Variants in TRMU observed in about 807,000 individuals in gnomAD.
TRMU encodes tRNA mitochondrial 2-thiouridylase.
A neutral mutation model predicts 46.9 loss-of-function variants in TRMU; 49 were observed. The ratio of observed to expected loss-of-function variants is 1.05; its 90% CI spans 0.83 to 1.33. The LOEUF is 1.33. Ranked by LOEUF, TRMU falls within the 40% of genes most tolerant of loss-of-function variation. The pLI is 0.00. For missense variants in TRMU, 572 were observed against 532.4 expected (o/e 1.07, Z -0.73); for synonymous variants, 241 against 200.9 (o/e 1.20, Z -1.69).
At chr22:46,341,672 A>C (rs961926667) in intron 2 of TRMU, among the ~76,000 whole-genome samples, 2 of 152,122 alleles carry the variant, frequency 1.3e-5, no homozygotes, top group Non-Finnish European at 2.9e-5. Flanking sequence ...CAAAATAGGC[A>C]TCATAACCCT....
At chr22:46,353,980 GACTA>G (rs775335823) in intron 8 of TRMU, 113 bp downstream of exon 8, 4 of 932,502 alleles carry the variant, frequency 4.3e-6, no homozygotes, top group Non-Finnish European at 6.9e-6. Flanking sequence ...TGGAGGCTGT[GACTA>G]ACTCTGTTCC....
At position 46,350,538 on chromosome 22, in the gene TRMU, G is replaced by T. The variant is rs1221249132; in HGVS notation, c.651+75G>T. The stretch of plus-strand genomic sequence containing the variant: ...TGCATGGCACGGAGCAGCTGGACCT[G>T]TGGGTCCCGCACCACTTCCCCTTCT... On this transcript the variant is annotated intron_variant, in intron 5 of 10. Coordinates refer to ENST00000645190, the MANE Select transcript of TRMU (RefSeq NM_018006.5). This position sits in a 1 kb window ranked among gnomAD's most constrained non-coding sequence, Gnocchi z 4.6. 1.9e-6 allele frequency: 3 copies of T among 1,550,894 alleles called. No homozygotes were observed. The highest frequency in any genetic ancestry group is 1.4e-5 in the African/African-American group (1 of 73,734).
Position 46,350,467 on chromosome 22 carries a change from C to A in TRMU, c.651+4C>A, listed in dbSNP as rs199650819. The A allele has an allele frequency of 6.2e-7, 1 of 1,613,182 alleles. No homozygotes were observed. The highest frequency in any genetic ancestry group is 8.5e-7 in the Non-Finnish European group (1 of 1,179,964). Reference sequence around the variant, plus strand: ...TCATGTGCTTCAGAAGAAAGAGGTACGAGTGAGCAGTTGCCTTTGATTAGT... The same window carrying A: ...TCATGTGCTTCAGAAGAAAGAGGTAAGAGTGAGCAGTTGCCTTTGATTAGT... On this transcript the variant is annotated splice_donor_region_variant and intron_variant, in intron 5 of 10. Coordinates refer to ENST00000645190, the MANE Select transcript of TRMU (RefSeq NM_018006.5). This position sits in a 1 kb window ranked among gnomAD's most constrained non-coding sequence, Gnocchi z 4.6.
chr22:46,352,123 C>T lies in TRMU; in HGVS notation c.654C>T (p.Ser218=), dbSNP rs781112085. ...RLHHVLQKKE[S]MGMCFIGKRN... is the part of the protein sequence containing the mutation. ...CGGCTGCCGTCTTCTCATTTCAGAG[C>T]ATGGGCATGTGTTTCATCGGGAAGA... The change falls in exon 6 of 11, where the codon AGC becomes AGT. Residue 218 remains serine, a splice_region_variant and synonymous_variant. Transcript: ENST00000645190. The T allele has an allele frequency of 3.1e-6, 5 of 1,613,152 alleles. No individual in the cohort carries two copies. Among genetic ancestry groups the T allele is most frequent in the Non-Finnish European group, 4.2e-6 (5 of 1,180,044 alleles).
At chr22:46,355,274 C>T (rs1409495490) in intron 8 of TRMU, 170 bp from the exon 9 acceptor site, 2 of 1,038,108 alleles carry the variant, frequency 1.9e-6, no homozygotes, top group Non-Finnish European at 2.8e-6. Flanking sequence ...GATTCAAAGG[C>T]CCGGCGGGTG....
chr22:46,351,566 C>T lies in TRMU; in HGVS notation c.652-555C>T, dbSNP rs994088687. ...TCCTCTTGTTTTCCGTTTCCGGTGT[C>T]GCTCTGTGGTGGGAGCCGCAGGGAT... On this transcript the variant is annotated intron_variant, in intron 5 of 10. Coordinates refer to ENST00000645190, the MANE Select transcript of TRMU (RefSeq NM_018006.5). The surrounding 1 kb of genome is among the most constrained non-coding windows in gnomAD (Gnocchi z 6.4). 6 of 189,746 alleles carry T rather than the reference C, an allele frequency of 3.2e-5. No individual in the cohort carries two copies. The highest frequency in any genetic ancestry group is 2.4e-4 in the East Asian group (2 of 8,364). The allele number at this position is 189,746 out of a possible 1,614,324, so 11.8% of individuals were successfully genotyped here.
At chr22:46,355,140 G>A (rs757023872) in intron 8 of TRMU, 2 of 510,148 alleles carry the variant, frequency 3.9e-6, no homozygotes, top group Non-Finnish European at 7.1e-6. Flanking sequence ...TGCAGGTAGA[G>A]GGCCTGAGTC....
intron 9 of TRMU, 146 bp downstream of exon 9, chr22:46,355,734 G>C: frequency 7.2e-7 from 1 of 1,391,420 alleles, no homozygotes; most frequent in Non-Finnish European, 9.9e-7. Flanking sequence ...TAGAACTCCC[G>C]TGTCCTGTGC....
chr22:46,356,847 T>A lies in TRMU; in HGVS notation c.1107T>A (p.Ala369=), dbSNP rs778156600. Reference sequence around the variant, plus strand: ...CCAGGGTCTCTCCCCTACAGTTTGCTGTGTTCTACAAGGGGGACGAGTGCC... The same window carrying A: ...CCAGGGTCTCTCCCCTACAGTTTGCAGTGTTCTACAAGGGGGACGAGTGCC... ...AVRALATGQF[A]VFYKGDECLG... The change falls in exon 11 of 11, where the codon GCT becomes GCA. Residue 369 remains alanine, a synonymous_variant. Coordinates refer to ENST00000645190, the MANE Select transcript of TRMU (RefSeq NM_018006.5). 1 of 1,613,248 alleles carries A rather than the reference T, an allele frequency of 6.2e-7. No individual in the cohort carries two copies. The highest frequency in any genetic ancestry group is 8.5e-7 in the Non-Finnish European group (1 of 1,179,858).
intron 2 of TRMU, among the ~76,000 whole-genome samples, chr22:46,341,885 C>T (rs868572583): frequency 2.2e-4 from 33 of 152,186 alleles, no homozygotes; most frequent in African/African-American, 7.5e-4. Flanking sequence ...TATATTTGCC[C>T]AGTGACGCAG....
intron 3 of TRMU, among the ~76,000 whole-genome samples, chr22:46,344,208 T>G (rs2078194718): frequency 6.6e-6 from 1 of 152,208 alleles, no homozygotes. Context: ...GCAGAAAATC[T>G]GGGGGATTTA....
In TRMU at chr22:46,337,761, T is replaced by G. The variant is rs951945177; in HGVS notation, c.83-18T>G. 2 of 1,614,172 alleles carry G rather than the reference T, an allele frequency of 1.2e-6. No individual in the cohort carries two copies. The highest frequency in any genetic ancestry group is 1.7e-4 in the Middle Eastern group (1 of 6,060). ...GGTTGATTTATGTATTCTCTTTAAT[T>G]GACCTTCCCGCCCGCAGGTTACCAG... On this transcript the variant is annotated intron_variant, in intron 1 of 10. Transcript: ENST00000645190.
rs575002606 is a variant in TRMU at position 46,339,736 on chromosome 22, C to T, written c.248+1792C>T. On this transcript the variant is annotated intron_variant, in intron 2 of 10. Transcript: ENST00000645190. The surrounding 1 kb of genome is among the most constrained non-coding windows in gnomAD (Gnocchi z 4.8). Reference sequence around the variant, plus strand: ...TGACTATGGTCACCTAAATAATCAACGGAAGAGCTTGAATATGAACCCTCT... The same window carrying T: ...TGACTATGGTCACCTAAATAATCAATGGAAGAGCTTGAATATGAACCCTCT... 2.6e-5 allele frequency among the ~76,000 whole-genome samples: 4 copies of T among 152,144 alleles called. No homozygotes were observed. The highest frequency in any genetic ancestry group is 4.2e-4 in the South Asian group (2 of 4,806).
chr22:46,346,642 C>G, intron 4 of TRMU, 98 bp downstream of exon 4: 1 of 1,408,986 alleles, frequency 7.1e-7, no homozygotes, highest in South Asian at 1.2e-5. Flanking sequence ...ACTGCCACCC[C>G]TCCCTCTGTG....
At chr22:46,335,984 C>T (rs545844494) in intron 1 of TRMU, 138 bp downstream of exon 1, 96 of 1,461,816 alleles carry the variant, frequency 6.6e-5, no homozygotes, top group African/African-American at 3.5e-4. Flanking sequence ...GATACCCCGT[C>T]CTCTGACTTT....
At chr22:46,354,853 T>A (rs768037369) in intron 8 of TRMU, 2 of 157,882 alleles carry the variant, frequency 1.3e-5, no homozygotes, top group Non-Finnish European at 2.8e-5. Flanking sequence ...TCCCAGGAGG[T>A]GCCAGGTCTC....
rs186010677 is a variant in TRMU at position 46,350,929 on chromosome 22, C to T, written c.651+466C>T. Among the ~76,000 whole-genome samples, 11 of 152,360 alleles carry T rather than the reference C, an allele frequency of 7.2e-5. No individual in the cohort carries two copies. The highest frequency in any genetic ancestry group is 3.9e-4 in the East Asian group (2 of 5,184). ...GCTGGGCCGCGAGGAATTGGTGACG[C>T]GCACACAGTTCCATCTTCGCCTCCA... is the stretch of plus-strand genomic sequence containing the variant. On this transcript the variant is annotated intron_variant, in intron 5 of 10. Transcript: ENST00000645190. This position sits in a 1 kb window ranked among gnomAD's most constrained non-coding sequence, Gnocchi z 4.6.
chr22:46,337,372 A>ATATC (rs2078005588), intron 1 of TRMU, among the ~76,000 whole-genome samples: 1 of 152,204 alleles, frequency 6.6e-6, no homozygotes, highest in Admixed American at 6.5e-5. Flanking sequence ...AATTATCTTT[A>ATATC]TATCTGATCA....
At chr22:46,345,968 A>G (rs2078244945) in intron 3 of TRMU, among the ~76,000 whole-genome samples, 1 of 151,894 alleles carries the variant, frequency 6.6e-6, no homozygotes, top group Non-Finnish European at 1.5e-5. Flanking sequence ...GGATTTCACC[A>G]TGTTGCCCAG....
Sources: allele counts gnomAD v4.1 joint callset (sites outside exome capture counted in the v4.1 genomes callset), GRCh38; gene constraint gnomAD v4.1.1; non-coding constraint Gnocchi (gnomAD v3.1); transcripts MANE v1.5; gene names NCBI Gene and HGNC (gene_info 2026-07-23, HGNC 2026-07-21).